Variants in SULT2B1 observed in about 807,000 individuals in gnomAD.
SULT2B1 encodes the protein sulfotransferase 2B1.
Under a neutral mutation model 33.2 loss-of-function variants are expected in SULT2B1, and 16 were observed. The observed-to-expected ratio is 0.48, with a 90% confidence interval of 0.33 to 0.73. The LOEUF (loss-of-function observed/expected upper bound fraction) is 0.73. SULT2B1 is among the 30% of genes least tolerant of loss of function. The probability of loss-of-function intolerance (pLI) is 0.02; values close to 1 mark genes in which losing one functional copy is unlikely to be tolerated. For synonymous variants in SULT2B1, 186 were observed against 200.5 expected (o/e 0.93, Z 0.61); for missense variants, 500 against 506.0 (o/e 0.99, Z 0.11).
intron 3 of SULT2B1, among the ~76,000 whole-genome samples, chr19:48,588,063 AG>A (rs1208999053): frequency 6.6e-6 from 1 of 151,792 alleles, no homozygotes; most frequent in Non-Finnish European, 1.5e-5. Flanking sequence ...TACAAAAATT[AG>A]TCGGATCTGG....
chr19:48,558,445 C>T (rs1601085543), intron 1 of SULT2B1, among the ~76,000 whole-genome samples: 1 of 152,136 alleles, frequency 6.6e-6, no homozygotes, highest in Non-Finnish European at 1.5e-5. Context: ...TGGGGCGCCT[C>T]GGGCAGCCAA....
Position 48,579,745 on chromosome 19 carries a change from T to C in SULT2B1, c.214+3662T>C, listed in dbSNP as rs550759000. ...CCTCAGCCTCCTGAGTAGTTGGAAT[T>C]ACAGGCACCTGCCACCACGCCCAGC... On this transcript the variant is annotated intron_variant, in intron 2 of 6. Transcript: ENST00000201586. Among the ~76,000 whole-genome samples, 1,095 of 151,240 alleles carry C rather than the reference T, an allele frequency of 7.2e-3. 17 individuals carry two copies. The highest frequency in any genetic ancestry group is 0.025 in the African/African-American group (1,011 of 41,156).
chr19:48,583,442 T>C (rs923724401), intron 2 of SULT2B1, among the ~76,000 whole-genome samples: 8 of 152,196 alleles, frequency 5.3e-5, no homozygotes, highest in African/African-American at 1.9e-4. Flanking sequence ...GCTGAAACTA[T>C]CCAAATATCT....
intron 6 of SULT2B1, among the ~76,000 whole-genome samples, chr19:48,598,481 A>G (rs1194515254): frequency 2.6e-5 from 4 of 151,858 alleles, no homozygotes; most frequent in African/African-American, 9.7e-5. Context: ...AATCCCAGTT[A>G]CTCGGGAGGC....
At chr19:48,595,466 T>G (rs1241731435) in intron 5 of SULT2B1, among the ~76,000 whole-genome samples, 1 of 151,962 alleles carries the variant, frequency 6.6e-6, no homozygotes, top group Non-Finnish European at 1.5e-5. Flanking sequence ...GGGGCTTGGA[T>G]CAGAGCTTGG....
intron 3 of SULT2B1, 122 bp downstream of exon 3, chr19:48,587,559 G>A: frequency 9.1e-7 from 1 of 1,103,102 alleles, no homozygotes; most frequent in East Asian, 2.5e-5. Flanking sequence ...CTATGTGCCT[G>A]ACTCTGATCT....
intron 1 of SULT2B1, among the ~76,000 whole-genome samples, chr19:48,553,831 T>C (rs1157605339): frequency 6.6e-6 from 1 of 152,292 alleles, no homozygotes; most frequent in East Asian, 1.9e-4. Flanking sequence ...GCCCCAGCAT[T>C]CTTTACTCAA....
rs745593519 is a variant in SULT2B1 at position 48,571,186 on chromosome 19, A to AATTT, written c.72-4730_72-4727dup. 8.8e-4 allele frequency among the ~76,000 whole-genome samples: 127 copies of AATTT among 144,692 alleles called. 1 individual carries two copies. The East Asian group carries it at 0.011, about 13-fold the overall frequency. The allele number at this position is 144,692 out of a possible 152,430, so 94.9% of individuals were successfully genotyped here. On this transcript the variant is annotated intron_variant, in intron 1 of 6. Coordinates refer to ENST00000201586, the MANE Select transcript of SULT2B1 (RefSeq NM_177973.2). ...CAGGTACAGGCCACCATGCCTGGCT[A>AATTT]ATTTATTTATTTATTTATTTATTTA... is the stretch of plus-strand genomic sequence containing the variant.
intron 1 of SULT2B1, among the ~76,000 whole-genome samples, chr19:48,563,082 A>G (rs1305600531): frequency 6.6e-6 from 1 of 152,016 alleles, no homozygotes; most frequent in East Asian, 1.9e-4. Context: ...AAATTTTATT[A>G]AAATAGATTT....
chr19:48,593,564 GA>G (rs1973671387), intron 5 of SULT2B1, among the ~76,000 whole-genome samples: 1 of 151,794 alleles, frequency 6.6e-6, no homozygotes, highest in African/African-American at 2.4e-5. Flanking sequence ...AAAATAGAAA[GA>G]AAAAAGATTG....
At chr19:48,569,361 A>AAAAAAAATAT (rs1568405757) in intron 1 of SULT2B1, among the ~76,000 whole-genome samples, 2 of 9,968 alleles carry the variant, frequency 2.0e-4, no homozygotes, top group African/African-American at 9.7e-4. Flanking sequence ...AAAAAAAAAA[A>AAAAAAAATAT]ACATATATAT....
At position 48,562,176 on chromosome 19, in the gene SULT2B1, T is replaced by G. The variant is rs1973191291; in HGVS notation, c.71+9853T>G. ...CTGAGGCGGGCGGATCACCTGAGGT[T>G]AGGAGTTCAAGGCCAGCCTGGCTAA... On this transcript the variant is annotated intron_variant, in intron 1 of 6. Coordinates refer to ENST00000201586, the MANE Select transcript of SULT2B1 (RefSeq NM_177973.2). 2.6e-5 allele frequency among the ~76,000 whole-genome samples: 4 copies of G among 152,074 alleles called. No homozygotes were observed. In the South Asian group the frequency reaches 8.3e-4, roughly 32 times the overall value.
At chr19:48,598,200 G>A (rs1568415774) in intron 6 of SULT2B1, among the ~76,000 whole-genome samples, 1 of 152,172 alleles carries the variant, frequency 6.6e-6, no homozygotes, top group African/African-American at 2.4e-5. Context: ...CATGGGGCAC[G>A]TGCACTTGCC....
chr19:48,568,835 C>A (rs1479579520), intron 1 of SULT2B1, among the ~76,000 whole-genome samples: 1 of 152,160 alleles, frequency 6.6e-6, no homozygotes, highest in African/African-American at 2.4e-5. Flanking sequence ...CCGCTCAGGG[C>A]CCCCCAGCTC....
rs1973761089 is a variant in SULT2B1 at position 48,599,035 on chromosome 19, G to A, written c.827-100G>A. ...GTGTTTCTGGCAAAGGGAACACCTC[G>A]CCAAAGGCCGGGAAGGGGAAGGAGG... is the stretch of plus-strand genomic sequence containing the variant. On this transcript the variant is annotated intron_variant, in intron 6 of 6. Transcript: ENST00000201586. This position sits in a 1 kb window ranked among gnomAD's most constrained non-coding sequence, Gnocchi z 4.1. 18 of 1,488,508 alleles carry A rather than the reference G, an allele frequency of 1.2e-5. No individual in the cohort carries two copies. Among genetic ancestry groups the A allele is most frequent in the East Asian group, 2.5e-5 (1 of 40,600 alleles). 92.2% of individuals were successfully genotyped at this position (1,488,508 alleles called of 1,614,324 possible). A position where few individuals can be genotyped will look rare whatever the true frequency, so the allele number is the denominator to read the frequency against.
intron 6 of SULT2B1, among the ~76,000 whole-genome samples, chr19:48,598,641 G>A (rs988383606): frequency 2.0e-5 from 3 of 151,984 alleles, no homozygotes; most frequent in Non-Finnish European, 2.9e-5. Context: ...CGCTTGCTGC[G>A]CCAATCAGCA....
At chr19:48,581,077 C>G (rs1184542348) in intron 2 of SULT2B1, among the ~76,000 whole-genome samples, 1 of 63,768 alleles carries the variant, frequency 1.6e-5, no homozygotes, top group Non-Finnish European at 2.9e-5. Context: ...ACTCTTATTT[C>G]CCAGGCTGGA....
At chr19:48,577,889 C>T (rs1023140874) in intron 2 of SULT2B1, among the ~76,000 whole-genome samples, 1 of 152,142 alleles carries the variant, frequency 6.6e-6, no homozygotes, top group Non-Finnish European at 1.5e-5. Context: ...AAAAATATGA[C>T]ACTATGATTG....
chr19:48,583,008 A>G (rs1275593960), intron 2 of SULT2B1, among the ~76,000 whole-genome samples: 1 of 107,778 alleles, frequency 9.3e-6, no homozygotes, highest in Non-Finnish European at 1.9e-5. Context: ...AAAATTAGCC[A>G]GGCGTGGTCG....
Sources: gnomAD v4.1 joint callset for allele counts (sites outside exome capture counted in the v4.1 genomes callset) on GRCh38, gnomAD v4.1.1 for gene constraint, Gnocchi (gnomAD v3.1) non-coding constraint, MANE v1.5 for transcripts, NCBI Gene and HGNC (gene_info 2026-07-23, HGNC 2026-07-21) for gene names.